COL25A1: variants seen among roughly 807,000 people sequenced by gnomAD.
COL25A1 encodes collagen type XXV alpha 1 chain.
COL25A1 carries 103 observed loss-of-function variants against 128.4 expected under a neutral mutation model. The observed-to-expected ratio is 0.80, with a 90% CI of 0.68 to 0.94. The LOEUF is 0.94. Ranked by LOEUF, COL25A1 falls within the 40% of genes least tolerant of loss-of-function variation. COL25A1 has a pLI of 0.00. For synonymous variants in COL25A1, 279 were observed against 277.2 expected (o/e 1.01, Z -0.06); for missense variants, 745 against 840.0 (o/e 0.89, Z 1.40).
chr4:109,158,460 G>T (rs565398917), intron 3 of COL25A1, among the ~76,000 whole-genome samples: 24 of 152,246 alleles, frequency 1.6e-4, no homozygotes, highest in Admixed American at 3.3e-4. Context: ...AGGCATAATG[G>T]TAGTAAAGCA....
intron 3 of COL25A1, among the ~76,000 whole-genome samples, chr4:109,152,486 C>T (rs776232636): frequency 1.7e-4 from 26 of 152,242 alleles, no homozygotes; most frequent in Non-Finnish European, 3.4e-4. Context: ...AGTATTTCCA[C>T]ATTAGTGGTA....
chr4:108,811,349 T>C lies in COL25A1; in HGVS notation c.*2578A>G, dbSNP rs1730774797. ...CATTTAATCATGAAATAAGTTGATG[T>C]TGTCAAATCAGTTATAGAGCAAAAA... On this transcript the variant is annotated 3_prime_UTR_variant, in exon 38 of 38. Coordinates refer to ENST00000399132, the MANE Select transcript of COL25A1 (RefSeq NM_198721.4). 1 of 152,102 alleles carries C rather than the reference T, an allele frequency of 6.6e-6. No homozygotes were observed. Among genetic ancestry groups the C allele is most frequent in the South Asian group, 2.1e-4 (1 of 4,836 alleles). 9.4% of individuals were successfully genotyped at this position (152,102 alleles called of 1,614,324 possible).
chr4:109,225,483 G>T (rs930961020), intron 3 of COL25A1, among the ~76,000 whole-genome samples: 1 of 152,152 alleles, frequency 6.6e-6, no homozygotes, highest in East Asian at 1.9e-4. Context: ...CGGAGAAAAC[G>T]GAATACTTAC....
chr4:109,102,582 G>GA (rs1351137851), intron 3 of COL25A1, among the ~76,000 whole-genome samples: 3 of 151,866 alleles, frequency 2.0e-5, no homozygotes, highest in East Asian at 3.9e-4. Flanking sequence ...ATCAATTTCT[G>GA]AAAAAAGGAT....
At chr4:109,197,449 ATT>A (rs1326534683) in intron 3 of COL25A1, among the ~76,000 whole-genome samples, 3 of 120,042 alleles carry the variant, frequency 2.5e-5, no homozygotes, top group Non-Finnish European at 3.4e-5. Flanking sequence ...TATTATATAT[ATT>A]ATATATAAAT....
chr4:109,192,759 C>T (rs2126164966), intron 3 of COL25A1, among the ~76,000 whole-genome samples: 1 of 152,074 alleles, frequency 6.6e-6, no homozygotes, highest in African/African-American at 2.4e-5. Flanking sequence ...AAGGCTGAGG[C>T]AGGAGAATGG....
intron 5 of COL25A1, 109 bp from the exon 6 acceptor site, chr4:109,010,484 G>A (rs1756471849): frequency 1.3e-6 from 1 of 748,752 alleles, no homozygotes; most frequent in Non-Finnish European, 2.2e-6. Context: ...TATTTCTGAA[G>A]ATAATATCCT....
At chr4:109,300,979 T>G (rs1180539577) in intron 2 of COL25A1, among the ~76,000 whole-genome samples, 1 of 152,218 alleles carries the variant, frequency 6.6e-6, no homozygotes, top group African/African-American at 2.4e-5. Context: ...AAGCTGTGGC[T>G]TACCAATAAC....
At chr4:108,951,778 T>C (rs113323600) in intron 8 of COL25A1, among the ~76,000 whole-genome samples, 40 of 152,364 alleles carry the variant, frequency 2.6e-4, no homozygotes, top group African/African-American at 9.1e-4. Flanking sequence ...AGGCTATTTA[T>C]GGTCATTAAT....
At chr4:109,261,397 G>C (rs995416788) in intron 3 of COL25A1, among the ~76,000 whole-genome samples, 5 of 152,084 alleles carry the variant, frequency 3.3e-5, no homozygotes, top group Admixed American at 1.3e-4. Flanking sequence ...CACTCCTGTA[G>C]ACCCTGCTAC....
intron 33 of COL25A1, among the ~76,000 whole-genome samples, chr4:108,826,539 A>T (rs1425236727): frequency 4.6e-5 from 7 of 152,160 alleles, no homozygotes; most frequent in Non-Finnish European, 1.0e-4. Context: ...CTCCATCTCA[A>T]ATGATAATAA....
chr4:109,118,833 C>T (rs932275235), intron 3 of COL25A1, among the ~76,000 whole-genome samples: 8 of 151,904 alleles, frequency 5.3e-5, no homozygotes, highest in African/African-American at 1.7e-4. Context: ...CACAGAAAAT[C>T]GATGAACTCA....
chr4:109,070,713 G>A (rs936915593), intron 3 of COL25A1, among the ~76,000 whole-genome samples: 2 of 126,252 alleles, frequency 1.6e-5, no homozygotes, highest in African/African-American at 6.3e-5. Flanking sequence ...CAGGCCCGGT[G>A]TGTGATGTTC....
At chr4:109,024,736 T>C (rs1219916631) in intron 5 of COL25A1, among the ~76,000 whole-genome samples, 1 of 151,842 alleles carries the variant, frequency 6.6e-6, no homozygotes, top group Non-Finnish European at 1.5e-5. Flanking sequence ...ATATTAGTCA[T>C]TTACTCAAAG....
chr4:109,300,277 C>A (rs921598048), intron 3 of COL25A1, among the ~76,000 whole-genome samples: 1 of 151,678 alleles, frequency 6.6e-6, no homozygotes, highest in African/African-American at 2.4e-5. Flanking sequence ...GACATTAAGA[C>A]AATTTAATTG....
chr4:109,177,840 T>C (rs971908849), intron 3 of COL25A1, among the ~76,000 whole-genome samples: 2 of 152,228 alleles, frequency 1.3e-5, no homozygotes, highest in Non-Finnish European at 2.9e-5. Context: ...GGTGCCTCTA[T>C]AGCAAACATC....
At chr4:108,981,876 A>G (rs1361157924) in intron 6 of COL25A1, among the ~76,000 whole-genome samples, 2 of 152,192 alleles carry the variant, frequency 1.3e-5, no homozygotes, top group African/African-American at 2.4e-5. Context: ...AATAAAATTT[A>G]TTTTTCAGAT....
At chr4:109,168,390 C>T (rs1773273660) in intron 3 of COL25A1, among the ~76,000 whole-genome samples, 1 of 152,148 alleles carries the variant, frequency 6.6e-6, no homozygotes, top group African/African-American at 2.4e-5. Flanking sequence ...TTAGCTAGTA[C>T]ACTTTGTAAA....
chr4:109,205,781 C>T (rs1467743145), intron 3 of COL25A1, among the ~76,000 whole-genome samples: 1 of 152,294 alleles, frequency 6.6e-6, no homozygotes, highest in Non-Finnish European at 1.5e-5. Flanking sequence ...CTCTTGACAA[C>T]ATACTAAATT....
Sources: gnomAD v4.1 joint callset for allele counts (sites outside exome capture counted in the v4.1 genomes callset) on GRCh38, gnomAD v4.1.1 for gene constraint, MANE v1.5 for transcripts, NCBI Gene and HGNC (gene_info 2026-07-23, HGNC 2026-07-21) for gene names.